The following TTC39A variants were observed in gnomAD, a reference collection of about 807,000 sequenced individuals.
TTC39A encodes tetratricopeptide repeat protein 39A.
A neutral mutation model predicts 82.3 loss-of-function variants in TTC39A; 46 were observed. The observed-to-expected ratio is 0.56, with a 90% confidence interval of 0.44 to 0.71. The LOEUF (loss-of-function observed/expected upper bound fraction) is 0.71, where lower values mean the gene tolerates loss of function less well. TTC39A is among the 30% of genes least tolerant of loss of function. The probability of loss-of-function intolerance (pLI) is 0.00; values close to 1 mark genes in which losing one functional copy is unlikely to be tolerated. For synonymous variants in TTC39A, 254 were observed against 275.2 expected, an observed-to-expected ratio of 0.92 and a Z score of 0.76; for missense variants, 543 against 712.9, an observed-to-expected ratio of 0.76 and a Z score of 2.71.
At chr1:51,291,938 A>AT (rs1644242062) in intron 14 of TTC39A, among the ~76,000 whole-genome samples, 1 of 152,204 alleles carries the variant, frequency 6.6e-6, no homozygotes, top group South Asian at 2.1e-4. Context: ...TACGCCTGTA[A>AT]TTCCAGCACT....
rs1270550781 is a variant in TTC39A, at chr1:51,302,314, C to A, written c.891+43G>T. ...CCTGACTTCCTGCTGGTCTGGGAGA[C>A]CCCGAGGGATCCCCAGCCCCGGCCC... On this transcript the variant is annotated intron_variant, in intron 11 of 17. Transcript: ENST00000680483. 3.2e-6 allele frequency: 5 copies of A among 1,563,490 alleles called. No homozygotes were observed. The Admixed American group carries it at 7.6e-5, about 24-fold the overall frequency.
intron 1 of TTC39A, among the ~76,000 whole-genome samples, chr1:51,343,828 C>T (rs938388536): frequency 1.3e-5 from 2 of 152,054 alleles, no homozygotes; most frequent in Non-Finnish European, 2.9e-5. Context: ...CTATGTGGCC[C>T]AGGCTGCTCT....
rs929857609 is a variant in TTC39A at position 51,306,006 on chromosome 1, C to G, written c.559G>C (p.Val187Leu). 6.2e-7 allele frequency: 1 copy of G among 1,613,910 alleles called. No homozygotes were observed. Among genetic ancestry groups the G allele is most frequent in the African/African-American group, 1.3e-5 (1 of 74,942 alleles). The change falls in exon 7 of 18, where the codon GTG (valine) becomes CTG (leucine). Residue 187 changes from valine to leucine, a missense_variant. Physicochemically the swap from Val to Leu is conservative, Grantham distance 32. Coordinates refer to ENST00000680483, the MANE Select transcript of TTC39A (RefSeq NM_001297663.2). Reference sequence around the variant, plus strand: ...TTGAAGGCCCCTACACCAAGCTTCACTCCTCCTTCAAAGTGCGGGTGGTTC... The same window carrying G: ...TTGAAGGCCCCTACACCAAGCTTCAGTCCTCCTTCAAAGTGCGGGTGGTTC... The part of the protein sequence containing the change: ...GENHPHFEGG[V>L]KLGVGAFNLT...
At chr1:51,341,540 C>T (rs1646037282) in intron 1 of TTC39A, among the ~76,000 whole-genome samples, 2 of 152,152 alleles carry the variant, frequency 1.3e-5, no homozygotes, top group Admixed American at 6.5e-5. Flanking sequence ...CCCTCCATAA[C>T]TGATAGTGGG....
chr1:51,330,832 GACCTGAGGTCC>G, upstream of TTC39A: 1 of 481,544 alleles, frequency 2.1e-6, no homozygotes, highest in South Asian at 2.5e-5. This position sits in a 1 kb window ranked among gnomAD's most constrained non-coding sequence, Gnocchi z 4.5. Flanking sequence ...TCTTCTCCGG[GACCTGAGGTCC>G]ACTTTACTGT....
chr1:51,302,367 T>G lies in TTC39A; in HGVS notation c.881A>C (p.Asn294Thr). The G allele has an allele frequency of 6.2e-7, 1 of 1,605,394 alleles. No individual in the cohort carries two copies. Among genetic ancestry groups the G allele is most frequent in the Non-Finnish European group, 8.5e-7 (1 of 1,176,100 alleles). The change falls in exon 11 of 18, where the codon AAC becomes ACC. Residue 294 changes from asparagine to threonine, a missense_variant. Physicochemically the swap from Asn to Thr is moderately conservative, Grantham distance 65. Transcript: ENST00000680483. ...FAGRIEVIKG[N>T]IDAAIRRFEE... ...ACCCCCATCACTCACTGCATCAATG[T>G]TGCCTTTAATGACTTCAATCCTCCC...
In TTC39A at chr1:51,325,593, A is replaced by C. The variant is rs921291806; in HGVS notation, c.42-3768T>G. Among the ~76,000 whole-genome samples the C allele has an allele frequency of 1.4e-4, 22 of 152,184 alleles. 1 individual carries two copies. Among genetic ancestry groups the C allele is most frequent in the Admixed American group, 1.0e-3 (16 of 15,284 alleles). ...CCCCACACCTATTGCAGATGGGGAA[A>C]CTGAGGCACAGAGGACGGGTAACTT... On this transcript the variant is annotated intron_variant, in intron 1 of 17. Transcript: ENST00000680483.
intron 13 of TTC39A, among the ~76,000 whole-genome samples, chr1:51,295,300 TGTAA>T (rs1644373044): frequency 6.6e-6 from 1 of 152,210 alleles, no homozygotes; most frequent in South Asian, 2.1e-4. Context: ...GCAGACACTC[TGTAA>T]GTGATAAATG....
Position 51,291,805 on chromosome 1 carries a change from C to T in TTC39A, c.1267-1180G>A, listed in dbSNP as rs577505619. Among the ~76,000 whole-genome samples the T allele has an allele frequency of 9.4e-4, 120 of 128,176 alleles. 1 individual carries two copies. Among genetic ancestry groups the T allele is most frequent in the Non-Finnish European group, 1.4e-3 (80 of 59,038 alleles). 84.1% of individuals were successfully genotyped at this position (128,176 alleles called of 152,430 possible). ...TGGGTGACAGAGTGAGATTCTATCT[C>T]AAAAAAAAAAAAAAAATTCTTTTCA... On this transcript the variant is annotated intron_variant, in intron 14 of 17. Transcript: ENST00000680483.
At chr1:51,310,634 C>G (rs1645047191) in intron 5 of TTC39A, among the ~76,000 whole-genome samples, 1 of 152,174 alleles carries the variant, frequency 6.6e-6, no homozygotes, top group African/African-American at 2.4e-5. Flanking sequence ...GGCTTTCAGG[C>G]AAAAGCATGC....
chr1:51,342,957 AGCCTCCCCTCT>A (rs1646055503), intron 1 of TTC39A: 1 of 433,282 alleles, frequency 2.3e-6, no homozygotes, highest in Admixed American at 2.4e-5. Flanking sequence ...CCACCACGCC[AGCCTCCCCTCT>A]GCTCTCCCTG....
chr1:51,291,656 AT>A lies in TTC39A; in HGVS notation c.1267-1032del, dbSNP rs1224347525. ...AAAAAAAAAAAAAAAAAAAAAAAAA[AT>A]TAGCCAGGCATGGTGGTGCAAGCCT... On this transcript the variant is annotated intron_variant, in intron 14 of 17. Coordinates refer to ENST00000680483, the MANE Select transcript of TTC39A (RefSeq NM_001297663.2). Among the ~76,000 whole-genome samples the A allele has an allele frequency of 1.4e-4, 19 of 138,744 alleles. No homozygotes were observed. The East Asian group carries it at 3.5e-3, about 26-fold the overall frequency. 91.0% of individuals were successfully genotyped at this position (138,744 alleles called of 152,430 possible).
chr1:51,344,911 TC>T, intron 1 of TTC39A: 2 of 1,490,484 alleles, frequency 1.3e-6, no homozygotes, highest in South Asian at 1.2e-5. Context: ...CTCAGCTGTT[TC>T]CCCGACGTCG....
At chr1:51,337,209 C>T (rs964952957) in intron 1 of TTC39A, among the ~76,000 whole-genome samples, 4 of 152,034 alleles carry the variant, frequency 2.6e-5, no homozygotes, top group East Asian at 1.9e-4. Context: ...CATCATCTCC[C>T]GACATCATTT....
At chr1:51,318,074 T>C (rs1645360234) in intron 2 of TTC39A, among the ~76,000 whole-genome samples, 1 of 152,158 alleles carries the variant, frequency 6.6e-6, no homozygotes, top group African/African-American at 2.4e-5. Flanking sequence ...GTGTTTCGAC[T>C]CCCTTCTGTT....
intron 1 of TTC39A, among the ~76,000 whole-genome samples, chr1:51,323,592 G>C (rs554417576): frequency 2.8e-4 from 42 of 152,048 alleles, no homozygotes; most frequent in African/African-American, 1.0e-3. Flanking sequence ...ACTATCTCTT[G>C]GGCTCTCTGT....
Position 51,316,500 on chromosome 1 carries a change from A to G in TTC39A, c.147-3557T>C, listed in dbSNP as rs546502199. Among the ~76,000 whole-genome samples, 11 of 152,174 alleles carry G rather than the reference A, an allele frequency of 7.2e-5. No individual in the cohort carries two copies. The East Asian group carries it at 1.4e-3, about 19-fold the overall frequency. ...TGCCAACCTTCTGCTGAACCTAGCT[A>G]GGAGCCCAGCTCAGGAGCCATGCAA... is the stretch of plus-strand genomic sequence containing the variant. On this transcript the variant is annotated intron_variant, in intron 2 of 17. Transcript: ENST00000680483.
At chr1:51,344,711 G>C (rs183635148) in intron 1 of TTC39A, among the ~76,000 whole-genome samples, 1 of 152,372 alleles carries the variant, frequency 6.6e-6, no homozygotes. Flanking sequence ...CCTTCTCACC[G>C]AGCTGACTTC....
At chr1:51,324,188 G>A (rs1234323024) in intron 1 of TTC39A, among the ~76,000 whole-genome samples, 2 of 152,156 alleles carry the variant, frequency 1.3e-5, no homozygotes, top group African/African-American at 2.4e-5. Context: ...CACCAGAAAT[G>A]CTGTCTAACT....
Sources: gnomAD v4.1 joint callset for allele counts (sites outside exome capture counted in the v4.1 genomes callset) on GRCh38, gnomAD v4.1.1 for gene constraint, Gnocchi (gnomAD v3.1) non-coding constraint, MANE v1.5 for transcripts, NCBI Gene and HGNC (gene_info 2026-07-23, HGNC 2026-07-21) for gene names.